Variants in RPRD2 observed in about 807,000 individuals in gnomAD.
RPRD2 encodes the protein regulation of nuclear pre-mRNA domain containing 2.
Under a neutral mutation model 104.4 loss-of-function variants are expected in RPRD2, and 12 were observed. The ratio of observed to expected loss-of-function variants is 0.11; its 90% CI spans 0.07 to 0.19. The LOEUF is 0.19. RPRD2 is among the 10% of genes least tolerant of loss of function. RPRD2 has a pLI of 1.00. For synonymous variants in RPRD2, 714 were observed against 684.9 expected, an observed-to-expected ratio of 1.04 and a Z score of -0.66; for missense variants, 1,543 against 1,790.1, an observed-to-expected ratio of 0.86 and a Z score of 2.49.
At chr1:150,438,557 A>G (rs377393129) in intron 2 of RPRD2, among the ~76,000 whole-genome samples, 142 of 151,982 alleles carry the variant, frequency 9.3e-4, no homozygotes, top group African/African-American at 3.3e-3. Context: ...TGAACCCAGG[A>G]GGCGGAAGTT....
At chr1:150,460,438 C>T in intron 9 of RPRD2, 121 bp downstream of exon 9, 1 of 1,056,412 alleles carries the variant, frequency 9.5e-7, no homozygotes, top group South Asian at 1.6e-5. Context: ...GAGTTTCGCT[C>T]TGTCTCCCAG....
intron 1 of RPRD2, among the ~76,000 whole-genome samples, chr1:150,368,205 G>GTTT (rs10572674): frequency 9.8e-5 from 11 of 112,724 alleles, no homozygotes; most frequent in East Asian, 4.6e-4. Flanking sequence ...CTTATTTCTT[G>GTTT]TTTTTTTTTT....
intron 2 of RPRD2, among the ~76,000 whole-genome samples, chr1:150,429,214 T>G (rs1451203209): frequency 6.6e-6 from 1 of 151,518 alleles, no homozygotes; most frequent in Non-Finnish European, 1.5e-5. Flanking sequence ...TGCCTCAATC[T>G]CCCAAGTAGC....
chr1:150,420,957 T>A lies in RPRD2; in HGVS notation c.335+3232T>A, dbSNP rs1279265884. Among the ~76,000 whole-genome samples, 5 of 152,230 alleles carry A rather than the reference T, an allele frequency of 3.3e-5. No homozygotes were observed. The South Asian group carries it at 8.3e-4, about 25-fold the overall frequency. On this transcript the variant is annotated intron_variant, in intron 2 of 10. Coordinates refer to ENST00000369068, the MANE Select transcript of RPRD2 (RefSeq NM_015203.5). Reference sequence around the variant, plus strand: ...TTTCTGTAAAGGGTCGATAGTTAAGTAGTTTAGGCTTTTTGAGCCATAGTG... The same window carrying A: ...TTTCTGTAAAGGGTCGATAGTTAAGAAGTTTAGGCTTTTTGAGCCATAGTG...
At chr1:150,457,262 G>A in intron 7 of RPRD2, 26 bp from the exon 8 acceptor site, 2 of 1,594,176 alleles carry the variant, frequency 1.3e-6, no homozygotes, top group South Asian at 1.1e-5. Flanking sequence ...TTTTTCCAAG[G>A]AGTAAACTCC....
chr1:150,395,205 C>T (rs1486967676), intron 1 of RPRD2, among the ~76,000 whole-genome samples: 2 of 152,150 alleles, frequency 1.3e-5, no homozygotes, highest in African/African-American at 2.4e-5. Flanking sequence ...TTCCTTATGC[C>T]TTTGCATCCT....
chr1:150,461,979 AAAAAAAC>A (rs1332320850), intron 9 of RPRD2, among the ~76,000 whole-genome samples: 2 of 149,176 alleles, frequency 1.3e-5, no homozygotes, highest in South Asian at 4.2e-4. Flanking sequence ...TCCGTCTCAA[AAAAAAAC>A]AAAAAACAAA....
intron 9 of RPRD2, 83 bp from the exon 10 acceptor site, chr1:150,464,444 C>A: frequency 3.0e-5 from 29 of 962,490 alleles, no homozygotes; most frequent in Middle Eastern, 3.5e-4. Context: ...TTAAATATAT[C>A]AAACTCATTG....
intron 1 of RPRD2, among the ~76,000 whole-genome samples, chr1:150,406,967 G>A (rs184665329): frequency 3.2e-4 from 49 of 152,074 alleles, no homozygotes; most frequent in African/African-American, 9.9e-4. Context: ...CGCCCGCCTC[G>A]GCCTCTCAAA....
At chr1:150,378,097 T>C (rs1553879996) in intron 1 of RPRD2, among the ~76,000 whole-genome samples, 1 of 152,160 alleles carries the variant, frequency 6.6e-6, no homozygotes, top group African/African-American at 2.4e-5. Context: ...AAGTATGTTG[T>C]TATTACTTAA....
At chr1:150,451,890 C>T (rs1450998680) in intron 7 of RPRD2, among the ~76,000 whole-genome samples, 2 of 151,980 alleles carry the variant, frequency 1.3e-5, no homozygotes, top group East Asian at 1.9e-4. Flanking sequence ...CCTGTAATCC[C>T]AGCACTTTGG....
intron 1 of RPRD2, among the ~76,000 whole-genome samples, chr1:150,416,903 A>G (rs1407194576): frequency 1.3e-5 from 2 of 151,624 alleles, no homozygotes; most frequent in Non-Finnish European, 2.9e-5. Flanking sequence ...AAAAAGAAGA[A>G]GAAGAAAAGC....
chr1:150,379,445 T>C (rs1223514772), intron 1 of RPRD2, among the ~76,000 whole-genome samples: 1 of 151,916 alleles, frequency 6.6e-6, no homozygotes, highest in South Asian at 2.1e-4. Flanking sequence ...TTTTGTTACC[T>C]AGGCTAGAGT....
intron 9 of RPRD2, among the ~76,000 whole-genome samples, chr1:150,463,250 G>A (rs1553899223): frequency 6.6e-6 from 1 of 152,090 alleles, no homozygotes; most frequent in African/African-American, 2.4e-5. Flanking sequence ...TTGAAGCCAG[G>A]AATTCCAGGA....
chr1:150,380,251 T>G (rs1661024658), intron 1 of RPRD2, among the ~76,000 whole-genome samples: 1 of 152,226 alleles, frequency 6.6e-6, no homozygotes, highest in African/African-American at 2.4e-5. Flanking sequence ...CTACATAAAT[T>G]TAGCTATTTG....
chr1:150,411,009 C>T (rs1663851427), intron 1 of RPRD2, among the ~76,000 whole-genome samples: 1 of 152,166 alleles, frequency 6.6e-6, no homozygotes, highest in Non-Finnish European at 1.5e-5. Context: ...TACAGTTATG[C>T]AATTACGCCT....
intron 1 of RPRD2, among the ~76,000 whole-genome samples, chr1:150,388,921 G>C (rs1349014127): frequency 6.6e-6 from 1 of 151,996 alleles, no homozygotes; most frequent in Non-Finnish European, 1.5e-5. Context: ...TAATTATTAA[G>C]AGTCCATATT....
intron 1 of RPRD2, among the ~76,000 whole-genome samples, chr1:150,368,520 A>G (rs1246224715): frequency 7.0e-6 from 1 of 142,200 alleles, no homozygotes; most frequent in Non-Finnish European, 1.5e-5. Context: ...CTGGAGTATA[A>G]TGGCACGATC....
chr1:150,382,540 G>A (rs1661215108), intron 1 of RPRD2, among the ~76,000 whole-genome samples: 1 of 152,026 alleles, frequency 6.6e-6, no homozygotes, highest in Non-Finnish European at 1.5e-5. Context: ...TGTATTTTTA[G>A]TAGAGACGGG....
Sources: gnomAD v4.1 joint callset for allele counts (sites outside exome capture counted in the v4.1 genomes callset) on GRCh38, gnomAD v4.1.1 for gene constraint, MANE v1.5 for transcripts, NCBI Gene and HGNC (gene_info 2026-07-23, HGNC 2026-07-21) for gene names.